PCYT1A: variants seen among roughly 807,000 people sequenced by gnomAD.
PCYT1A encodes the protein choline-phosphate cytidylyltransferase A.
PCYT1A carries 25 observed loss-of-function variants against 43.7 expected under a neutral mutation model. The ratio of observed to expected loss-of-function variants is 0.57; its 90% confidence interval spans 0.42 to 0.80. PCYT1A has a LOEUF of 0.80. Ranked by LOEUF, PCYT1A falls within the 30% of genes least tolerant of loss-of-function variation. PCYT1A has a pLI of 0.00. For missense variants in PCYT1A, 421 were observed against 474.2 expected (o/e 0.89, Z 1.04); for synonymous variants, 172 against 170.7 (o/e 1.01, Z -0.06).
chr3:196,239,502 C>T (rs1344929617), intron 8 of PCYT1A, 45 bp downstream of exon 8: 1 of 1,280,018 alleles, frequency 7.8e-7, no homozygotes, highest in Non-Finnish European at 1.1e-6. Context: ...GTCATTCTTT[C>T]CACAACATGG....
intron 1 of PCYT1A, among the ~76,000 whole-genome samples, chr3:196,287,008 C>T (rs1256320774): frequency 6.6e-6 from 1 of 152,228 alleles, no homozygotes; most frequent in Non-Finnish European, 1.5e-5. Flanking sequence ...AGGCATTAAA[C>T]TAGTCCAAAC....
intron 1 of PCYT1A, among the ~76,000 whole-genome samples, chr3:196,285,180 C>T (rs1302698550): frequency 6.6e-6 from 1 of 152,164 alleles, no homozygotes; most frequent in African/African-American, 2.4e-5. Context: ...AGCTGTAAGG[C>T]CAGGCGTGGT....
At chr3:196,283,814 T>G (rs1725832846) in intron 1 of PCYT1A, among the ~76,000 whole-genome samples, 1 of 152,202 alleles carries the variant, frequency 6.6e-6, no homozygotes, top group South Asian at 2.1e-4. Context: ...TGACAAGGCC[T>G]AAAGTGCTGA....
At chr3:196,263,822 C>T (rs988298102) in intron 2 of PCYT1A, among the ~76,000 whole-genome samples, 2 of 151,994 alleles carry the variant, frequency 1.3e-5, no homozygotes, top group Non-Finnish European at 2.9e-5. Context: ...TTAGTAGAGA[C>T]GGGGTTTCAC....
At chr3:196,245,767 C>T (rs1306115276) in intron 5 of PCYT1A, among the ~76,000 whole-genome samples, 5 of 152,084 alleles carry the variant, frequency 3.3e-5, no homozygotes. Flanking sequence ...CTGGCCAAAA[C>T]GGCGAAACAC....
chr3:196,276,500 G>A (rs1408021583), intron 1 of PCYT1A, among the ~76,000 whole-genome samples: 6 of 151,976 alleles, frequency 3.9e-5, no homozygotes, highest in South Asian at 2.1e-4. Context: ...CTACTCAGGA[G>A]ACTGAGGCGG....
chr3:196,242,051 G>A lies in PCYT1A; in HGVS notation c.605C>T (p.Thr202Ile). The A allele has an allele frequency of 6.2e-7, 1 of 1,614,100 alleles. No individual in the cohort carries two copies. The highest frequency in any genetic ancestry group is 8.5e-7 in the Non-Finnish European group (1 of 1,179,988). The stretch of plus-strand genomic sequence containing the variant: ...CACAATTCGGGTGATGATGTCTGAT[G>A]TGGAGATACCTTCTGTCCTCTGTGT... Reference protein sequence around the residue: ...APTQRTEGISTSDIITRIVRD... With the variant: ...APTQRTEGISISDIITRIVRD... Residue 202 changes from threonine to isoleucine, a missense_variant, in exon 7 of 9, where the codon ACA becomes ATA. Physicochemically the swap from Thr to Ile is moderately conservative, Grantham distance 89. This residue lies in a region of PCYT1A where 174 missense variants were observed against 270.7 expected (regional missense o/e 0.64). Transcript: ENST00000431016. This position sits in a 1 kb window ranked among gnomAD's most constrained non-coding sequence, Gnocchi z 4.2.
intron 2 of PCYT1A, among the ~76,000 whole-genome samples, chr3:196,269,458 T>A (rs1473189186): frequency 6.6e-6 from 1 of 152,186 alleles, no homozygotes. Flanking sequence ...ACAGATTTCA[T>A]AATAATATTA....
rs1394284972 is a variant in PCYT1A at position 196,269,873 on chromosome 3, AC to A, written c.117+541del. ...ATTAGTTTTATTTATTTGTTTATTT[AC>A]TTTTTATTTTTATTTTTGAGATAGG... On this transcript the variant is annotated intron_variant, in intron 2 of 8. Transcript: ENST00000431016. Among the ~76,000 whole-genome samples, 25 of 152,002 alleles carry A rather than the reference AC, an allele frequency of 1.6e-4. 1 individual carries two copies. The highest frequency in any genetic ancestry group is 5.3e-4 in the African/African-American group (22 of 41,476).
chr3:196,261,545 T>G (rs1725108913), intron 2 of PCYT1A, among the ~76,000 whole-genome samples: 2 of 151,876 alleles, frequency 1.3e-5, no homozygotes, highest in African/African-American at 4.8e-5. Context: ...ATACCAGCAC[T>G]TTGGGAGGCC....
At chr3:196,259,800 G>A (rs1374683993) in intron 2 of PCYT1A, among the ~76,000 whole-genome samples, 1 of 143,760 alleles carries the variant, frequency 7.0e-6, no homozygotes, top group Non-Finnish European at 1.5e-5. Context: ...AGCTGAGATT[G>A]CCCCACTGCA....
chr3:196,250,137 A>G (rs780340933), intron 3 of PCYT1A, among the ~76,000 whole-genome samples: 96 of 145,714 alleles, frequency 6.6e-4, no homozygotes, highest in Middle Eastern at 3.8e-3. Flanking sequence ...GACCAGGTAC[A>G]CCATGCCGAG....
intron 2 of PCYT1A, among the ~76,000 whole-genome samples, chr3:196,261,826 C>A (rs912103046): frequency 6.6e-6 from 1 of 151,676 alleles, no homozygotes; most frequent in Non-Finnish European, 1.5e-5. Flanking sequence ...AGTATCTTAT[C>A]TTTCACAACT....
intron 1 of PCYT1A, among the ~76,000 whole-genome samples, chr3:196,285,768 C>T (rs188067666): frequency 8.5e-5 from 13 of 152,282 alleles, no homozygotes; most frequent in Middle Eastern, 3.4e-3. Flanking sequence ...TCTTTCTCAT[C>T]ATGGTCATAG....
chr3:196,259,525 CG>C (rs1204287485), intron 2 of PCYT1A, among the ~76,000 whole-genome samples: 15 of 152,154 alleles, frequency 9.9e-5, no homozygotes, highest in African/African-American at 3.4e-4. Flanking sequence ...CATTAAAACA[CG>C]TTTTTTTTGT....
intron 1 of PCYT1A, among the ~76,000 whole-genome samples, chr3:196,279,598 A>G (rs1725694722): frequency 6.6e-6 from 1 of 152,070 alleles, no homozygotes; most frequent in South Asian, 2.1e-4. Flanking sequence ...TTGTTCCTCC[A>G]CGTTCCAACA....
At chr3:196,287,359 T>A (rs1054206466) in intron 1 of PCYT1A, 1 of 152,218 alleles carries the variant, frequency 6.6e-6, no homozygotes, top group African/African-American at 2.4e-5. Flanking sequence ...TCCCTTGCAG[T>A]CACTGCCTCA....
At chr3:196,243,851 G>A (rs2108763747) in intron 5 of PCYT1A, among the ~76,000 whole-genome samples, 1 of 152,378 alleles carries the variant, frequency 6.6e-6, no homozygotes, top group East Asian at 1.9e-4. Context: ...TGCTGCCCAG[G>A]CTGGAGTGCA....
At chr3:196,259,869 A>G (rs1244476494) in intron 2 of PCYT1A, among the ~76,000 whole-genome samples, 1 of 144,464 alleles carries the variant, frequency 6.9e-6, no homozygotes, top group African/African-American at 2.6e-5. Context: ...CACTTATATA[A>G]GTTTAGTTTA....
Sources: gnomAD v4.1 joint callset for allele counts (sites outside exome capture counted in the v4.1 genomes callset) on GRCh38, gnomAD v4.1.1 for gene constraint, gnomAD v4.1.1 regional missense constraint, Gnocchi (gnomAD v3.1) non-coding constraint, MANE v1.5 for transcripts, NCBI Gene and HGNC (gene_info 2026-07-23, HGNC 2026-07-21) for gene names.